ZDHHC11: variants seen among roughly 807,000 people sequenced by gnomAD.
ZDHHC11 encodes the protein zDHHC palmitoyltransferase 11.
Under a neutral mutation model 51.3 loss-of-function variants are expected in ZDHHC11, and 44 were observed. The ratio of observed to expected loss-of-function variants is 0.86; its 90% CI spans 0.67 to 1.10. The LOEUF (loss-of-function observed/expected upper bound fraction) is 1.10, where lower values mean the gene tolerates loss of function less well. Among genes scored for constraint, ZDHHC11 ranks in the 50% least tolerant of loss-of-function variants. The pLI is 0.00. For missense variants in ZDHHC11, 400 were observed against 537.7 expected (o/e 0.74, Z 2.53); for synonymous variants, 163 against 222.0 (o/e 0.73, Z 2.36).
Position 845,000 on chromosome 5 carries a change from A to G in ZDHHC11, c.504-1276T>C, listed in dbSNP as rs1283544362. Among the ~76,000 whole-genome samples, 8 of 152,276 alleles carry G rather than the reference A, an allele frequency of 5.3e-5. No homozygotes were observed. The East Asian group carries it at 1.5e-3, about 29-fold the overall frequency. ...TAATCCTTTCCATTGTATTATGTTC[A>G]CCTAAGCTTGTTTAAATCCCTTTTT... On this transcript the variant is annotated intron_variant, in intron 3 of 12. Coordinates refer to ENST00000283441, the MANE Select transcript of ZDHHC11 (RefSeq NM_024786.3).
chr5:841,120 A>G (rs1378927210), intron 4 of ZDHHC11: 7 of 886,100 alleles, frequency 7.9e-6, no homozygotes, highest in East Asian at 1.6e-4. Context: ...GGGTCACAGC[A>G]CCCATCCCTT....
intron 11 of ZDHHC11, among the ~76,000 whole-genome samples, chr5:813,036 C>A: frequency 6.9e-6 from 1 of 144,232 alleles, no homozygotes; most frequent in East Asian, 2.1e-4. Flanking sequence ...AATTCTCCCC[C>A]ATCTAAATGT....
intron 12 of ZDHHC11, among the ~76,000 whole-genome samples, chr5:798,790 ATT>A (rs142996818): frequency 5.4e-5 from 8 of 147,052 alleles, no homozygotes; most frequent in East Asian, 4.0e-4. Context: ...AGTGGTGAAT[ATT>A]TTTTTTTTTG....
rs575395538 is a variant in ZDHHC11, at chr5:829,573, G to T, written c.935+4200C>A. On this transcript the variant is annotated intron_variant, in intron 7 of 12. Coordinates refer to ENST00000283441, the MANE Select transcript of ZDHHC11 (RefSeq NM_024786.3). Reference sequence around the variant, plus strand: ...GAATTCTATCAGGCATCCAAAGAAGGACTGGTACCAATCTTATGGAAACTA... The same window carrying T: ...GAATTCTATCAGGCATCCAAAGAAGTACTGGTACCAATCTTATGGAAACTA... 1.3e-3 allele frequency among the ~76,000 whole-genome samples: 190 copies of T among 151,520 alleles called. 4 individuals carry two copies. The highest frequency in any genetic ancestry group is 4.5e-3 in the African/African-American group (185 of 41,150).
chr5:811,015 C>A (rs1418652441), intron 11 of ZDHHC11, among the ~76,000 whole-genome samples: 1,195 of 143,954 alleles, frequency 8.3e-3, no homozygotes, highest in African/African-American at 0.031. Flanking sequence ...GCAGGAGGTG[C>A]CAATCAAAAT....
intron 12 of ZDHHC11, among the ~76,000 whole-genome samples, chr5:798,896 C>T: frequency 6.6e-6 from 1 of 152,178 alleles, no homozygotes; most frequent in African/African-American, 2.4e-5. Context: ...TGATAAAGAG[C>T]ATGCAAATGA....
chr5:810,271 T>C (rs2150308886), intron 11 of ZDHHC11, among the ~76,000 whole-genome samples: 1 of 135,940 alleles, frequency 7.4e-6, no homozygotes, highest in African/African-American at 2.7e-5. Flanking sequence ...AGTGGAAAAT[T>C]AATACAAGCC....
chr5:854,832 GGGC>G, upstream of ZDHHC11, among the ~76,000 whole-genome samples: 1 of 148,406 alleles, frequency 6.7e-6, no homozygotes, highest in Admixed American at 6.6e-5. Context: ...GCGAGCCGGG[GGGC>G]ACAGACCACA....
At chr5:822,842 T>TA (rs1484654695) in intron 8 of ZDHHC11, among the ~76,000 whole-genome samples, 9 of 151,828 alleles carry the variant, frequency 5.9e-5, no homozygotes, top group Admixed American at 1.3e-4. Flanking sequence ...GCAGCTACTC[T>TA]AATGGGGTGC....
At chr5:828,698 A>G (rs1742670397) in intron 7 of ZDHHC11, among the ~76,000 whole-genome samples, 2 of 151,110 alleles carry the variant, frequency 1.3e-5, no homozygotes, top group Admixed American at 1.3e-4. Flanking sequence ...TGCAGAATGT[A>G]CATTCTTTTC....
At chr5:820,021 T>A (rs1741364832) in intron 9 of ZDHHC11, among the ~76,000 whole-genome samples, 1 of 151,394 alleles carries the variant, frequency 6.6e-6, no homozygotes, top group South Asian at 2.1e-4. Flanking sequence ...ACCTTCATTT[T>A]TACCTGGAAA....
intron 1 of ZDHHC11, among the ~76,000 whole-genome samples, chr5:856,380 A>T (rs368670269): frequency 1.3e-4 from 20 of 151,514 alleles, no homozygotes; most frequent in African/African-American, 4.6e-4. Context: ...CAGACCACCC[A>T]CAACACATAC....
upstream of ZDHHC11, among the ~76,000 whole-genome samples, chr5:859,494 G>A (rs142575162): frequency 0.013 from 2,022 of 152,230 alleles, 32 homozygotes; most frequent in Non-Finnish European, 0.016. Context: ...AACAGGCGAC[G>A]TCCAGGAAGA....
intron 8 of ZDHHC11, chr5:824,100 C>T (rs1479289732): frequency 4.4e-6 from 2 of 454,812 alleles, no homozygotes; most frequent in East Asian, 7.0e-5. Context: ...GGCCCTGCCC[C>T]CACAGGGAAG....
chr5:831,628 G>A (rs1191210937), intron 7 of ZDHHC11, among the ~76,000 whole-genome samples: 2 of 145,146 alleles, frequency 1.4e-5, no homozygotes, highest in East Asian at 4.1e-4. Context: ...ATCAAAAAGT[G>A]GGCAACATTC....
chr5:850,710 C>T lies in ZDHHC11; in HGVS notation c.-108G>A. ...CTGGGAATGCAGCCGCCAGGACCAG[C>T]ACTGACAGCCAATGGCCCAGCACTG... On this transcript the variant is annotated 5_prime_UTR_variant, in exon 1 of 13. Transcript: ENST00000283441. 2 of 1,359,286 alleles carry T rather than the reference C, an allele frequency of 1.5e-6. No individual in the cohort carries two copies. The highest frequency in any genetic ancestry group is 2.1e-4 in the Middle Eastern group (1 of 4,822). 84.2% of individuals were successfully genotyped at this position (1,359,286 alleles called of 1,614,324 possible). A position where few individuals can be genotyped will look rare whatever the true frequency, so the allele number is the denominator to read the frequency against.
intron 8 of ZDHHC11, chr5:823,646 C>T (rs1030081969): frequency 4.1e-5 from 7 of 170,868 alleles, no homozygotes; most frequent in African/African-American, 1.2e-4. Context: ...CAATGAACGA[C>T]GGTGTCACTT....
chr5:813,822 G>A (rs1740409663), intron 11 of ZDHHC11, among the ~76,000 whole-genome samples: 1 of 148,380 alleles, frequency 6.7e-6, no homozygotes, highest in Admixed American at 6.7e-5. Flanking sequence ...ACTGAGATGT[G>A]AGGTGAAGGC....
rs147408457 is a variant in ZDHHC11, at chr5:805,299, G to A, written c.1182-4135C>T. On this transcript the variant is annotated intron_variant, in intron 11 of 12. Coordinates refer to ENST00000283441, the MANE Select transcript of ZDHHC11 (RefSeq NM_024786.3). ...AAAAATAATTTAAAATTAGCCAGGCGTGGTGATGTGTGCCTGTAGTCCTAG... is the reference window on the plus strand; with the variant it reads ...AAAAATAATTTAAAATTAGCCAGGCATGGTGATGTGTGCCTGTAGTCCTAG... Among the ~76,000 whole-genome samples, 500 of 150,734 alleles carry A rather than the reference G, an allele frequency of 3.3e-3. 2 individuals are homozygous for A. The East Asian group carries it at 0.046, about 14-fold the overall frequency.
Sources: gnomAD v4.1 joint callset for allele counts (sites outside exome capture counted in the v4.1 genomes callset) on GRCh38, gnomAD v4.1.1 for gene constraint, MANE v1.5 for transcripts, NCBI Gene and HGNC (gene_info 2026-07-23, HGNC 2026-07-21) for gene names.